SLC10A7: variants seen among roughly 807,000 people sequenced by gnomAD.
The protein encoded by SLC10A7 is solute carrier family 10 member 7.
SLC10A7 carries 29 observed loss-of-function variants against 43.2 expected under a neutral mutation model. That is an observed-to-expected ratio of 0.67 (90% CI 0.50 to 0.92). SLC10A7 has a LOEUF of 0.92. SLC10A7 is among the 40% of genes least tolerant of loss of function. The pLI is 0.00. For synonymous variants in SLC10A7, 152 were observed against 144.8 expected (o/e 1.05, Z -0.35); for missense variants, 295 against 403.2 (o/e 0.73, Z 2.30).
chr4:146,406,262 A>G (rs998017034), intron 5 of SLC10A7, among the ~76,000 whole-genome samples: 4 of 152,248 alleles, frequency 2.6e-5, no homozygotes, highest in African/African-American at 4.8e-5. Context: ...AGAATTTTCA[A>G]TGTAAGTTTC....
chr4:146,416,356 A>T (rs922868307), intron 5 of SLC10A7, among the ~76,000 whole-genome samples: 1 of 152,146 alleles, frequency 6.6e-6, no homozygotes, highest in Non-Finnish European at 1.5e-5. Context: ...AGAGTATATG[A>T]CGTACTTTAA....
Position 146,320,608 on chromosome 4 carries a change from G to A in SLC10A7, c.471+5353C>T, listed in dbSNP as rs138431913. Among the ~76,000 whole-genome samples, 594 of 152,130 alleles carry A rather than the reference G, an allele frequency of 3.9e-3. 2 individuals carry two copies. Among genetic ancestry groups the A allele is most frequent in the African/African-American group, 0.013 (545 of 41,510 alleles). ...GAATAGTTGGCTGAAATAAAGTGGA[G>A]GGCAAGCTTGCTGGAGAAGAGTTCA... On this transcript the variant is annotated intron_variant, in intron 6 of 11. Transcript: ENST00000335472.
intron 5 of SLC10A7, among the ~76,000 whole-genome samples, chr4:146,350,289 G>A (rs975727264): frequency 2.0e-5 from 3 of 151,646 alleles, no homozygotes; most frequent in Non-Finnish European, 2.9e-5. Context: ...CTGGAAAATC[G>A]GGTCACTCCC....
chr4:146,439,015 A>T (rs1158878650), intron 5 of SLC10A7, among the ~76,000 whole-genome samples: 1 of 152,050 alleles, frequency 6.6e-6, no homozygotes, highest in Non-Finnish European at 1.5e-5. Context: ...ATTAAGAGAG[A>T]AATCTCAAAT....
chr4:146,485,919 C>A (rs1734874624), intron 4 of SLC10A7, among the ~76,000 whole-genome samples: 1 of 151,838 alleles, frequency 6.6e-6, no homozygotes, highest in African/African-American at 2.4e-5. Flanking sequence ...AGGCAAGAAG[C>A]TCAGAAAAGA....
chr4:146,283,816 G>T (rs757660702), intron 9 of SLC10A7, among the ~76,000 whole-genome samples: 1 of 152,132 alleles, frequency 6.6e-6, no homozygotes, highest in Non-Finnish European at 1.5e-5. Context: ...GGCAAGTGAT[G>T]TAATGTTCCT....
intron 10 of SLC10A7, among the ~76,000 whole-genome samples, chr4:146,263,437 T>C (rs950269212): frequency 2.6e-5 from 4 of 152,204 alleles, no homozygotes; most frequent in Non-Finnish European, 2.9e-5. Context: ...TGTCATAAAG[T>C]TATTGTGCAG....
chr4:146,517,050 T>A lies in SLC10A7; in HGVS notation c.171A>T (p.Ser57=). Residue 57 remains serine, a synonymous_variant, in exon 2 of 12, where the codon TCA becomes TCT. Transcript: ENST00000335472. ...VATIFFNSGL[S]LKTEELTSAL... ...TAGATGACAGTACCTCTGTTTTCAA[T>A]GATAGTCCACTGTTAAAGAATATTG... 1.2e-6 allele frequency: 2 copies of A among 1,603,570 alleles called. No homozygotes were observed. Among genetic ancestry groups the A allele is most frequent in the Non-Finnish European group, 1.7e-6 (2 of 1,173,434 alleles).
intron 10 of SLC10A7, among the ~76,000 whole-genome samples, chr4:146,260,194 C>A (rs1484268815): frequency 1.0e-5 from 1 of 99,044 alleles, no homozygotes; most frequent in Non-Finnish European, 2.0e-5. Context: ...AAATGAAGGG[C>A]CTTTTTTTAA....
At chr4:146,313,787 CT>C (rs1387275964) in intron 6 of SLC10A7, among the ~76,000 whole-genome samples, 1 of 152,122 alleles carries the variant, frequency 6.6e-6, no homozygotes, top group African/African-American at 2.4e-5. Flanking sequence ...CTAGACCTCT[CT>C]CTTCTATGAA....
intron 2 of SLC10A7, among the ~76,000 whole-genome samples, chr4:146,512,326 T>C (rs1017655808): frequency 3.3e-5 from 5 of 152,186 alleles, no homozygotes; most frequent in Non-Finnish European, 5.9e-5. Flanking sequence ...TGAAAATTAA[T>C]TTGGTAATAT....
intron 5 of SLC10A7, among the ~76,000 whole-genome samples, chr4:146,374,657 CACACAT>C (rs771883605): frequency 0.11 from 16,366 of 143,622 alleles, 979 homozygotes; most frequent in Middle Eastern, 0.17. Context: ...CACACACACA[CACACAT>C]ATATATATAT....
chr4:146,465,216 G>C (rs543832982), intron 4 of SLC10A7, among the ~76,000 whole-genome samples: 33 of 152,050 alleles, frequency 2.2e-4, no homozygotes, highest in Non-Finnish European at 4.1e-4. Context: ...TTCAAAACAA[G>C]TTTATGAAAT....
intron 6 of SLC10A7, among the ~76,000 whole-genome samples, chr4:146,321,055 A>AGC (rs1732674115): frequency 6.6e-6 from 1 of 152,130 alleles, no homozygotes; most frequent in Non-Finnish European, 1.5e-5. Flanking sequence ...CTATGCCTGA[A>AGC]TACCCAGAAA....
At chr4:146,315,256 C>T (rs1050851584) in intron 6 of SLC10A7, among the ~76,000 whole-genome samples, 5 of 152,110 alleles carry the variant, frequency 3.3e-5, no homozygotes, top group African/African-American at 7.2e-5. Flanking sequence ...TCAGCCCTAT[C>T]GCCTCTTCAT....
At chr4:146,315,505 T>G (rs774362240) in intron 6 of SLC10A7, among the ~76,000 whole-genome samples, 2 of 152,114 alleles carry the variant, frequency 1.3e-5, no homozygotes, top group African/African-American at 4.8e-5. Context: ...TTGAGAAACA[T>G]TGGAAGTTTC....
At chr4:146,270,140 A>G (rs1728805343) in intron 10 of SLC10A7, among the ~76,000 whole-genome samples, 1 of 152,206 alleles carries the variant, frequency 6.6e-6, no homozygotes, top group Admixed American at 6.5e-5. Flanking sequence ...TCTGTGATTT[A>G]TCTAACCTAG....
intron 4 of SLC10A7, among the ~76,000 whole-genome samples, chr4:146,446,676 T>C (rs1365613079): frequency 1.3e-5 from 2 of 151,924 alleles, no homozygotes; most frequent in Non-Finnish European, 2.9e-5. Flanking sequence ...AAGCACCCAC[T>C]TGTTTGTTAC....
At chr4:146,428,423 C>T (rs887969339) in intron 5 of SLC10A7, among the ~76,000 whole-genome samples, 10 of 152,170 alleles carry the variant, frequency 6.6e-5, no homozygotes, top group Non-Finnish European at 1.3e-4. Flanking sequence ...GAATTATGAA[C>T]TCATCAAACT....
Sources: gnomAD v4.1 joint callset for allele counts (sites outside exome capture counted in the v4.1 genomes callset) on GRCh38, gnomAD v4.1.1 for gene constraint, MANE v1.5 for transcripts, NCBI Gene and HGNC (gene_info 2026-07-23, HGNC 2026-07-21) for gene names.